The following PRR16 variants were observed in gnomAD, a reference collection of about 807,000 sequenced individuals.
PRR16 encodes the protein proline rich 16.
Under a neutral mutation model 18.2 loss-of-function variants are expected in PRR16, and 6 were observed. That is an observed-to-expected ratio of 0.33 (90% CI 0.18 to 0.65). The LOEUF is 0.65. Among genes scored for constraint, PRR16 ranks in the 30% least tolerant of loss-of-function variants. The probability of loss-of-function intolerance (pLI) is 0.74; values close to 1 mark genes in which losing one functional copy is unlikely to be tolerated. For missense variants in PRR16, 412 were observed against 376.6 expected (o/e 1.09, Z -0.78); for synonymous variants, 151 against 147.8 (o/e 1.02, Z -0.16).
intron 1 of PRR16, among the ~76,000 whole-genome samples, chr5:120,659,882 G>C (rs1459350206): frequency 6.6e-6 from 1 of 152,000 alleles, no homozygotes; most frequent in Non-Finnish European, 1.5e-5. Context: ...AGATGTTATA[G>C]CTGAAACACC....
chr5:120,737,656 G>A, the PRR16 span, among the ~76,000 whole-genome samples: 3 of 149,492 alleles, frequency 2.0e-5, no homozygotes, highest in East Asian at 5.9e-4. Context: ...TTTTTTTTTG[G>A]AAGAGTTTGA....
chr5:120,531,393 C>T (rs933601331), intron 1 of PRR16: 1 of 152,082 alleles, frequency 6.6e-6, no homozygotes, highest in Admixed American at 6.6e-5. Context: ...TGGCTTCTTC[C>T]ACACCCTGCA....
At chr5:120,603,610 G>T (rs1268916413) in intron 1 of PRR16, among the ~76,000 whole-genome samples, 1 of 151,458 alleles carries the variant, frequency 6.6e-6, no homozygotes, top group African/African-American at 2.4e-5. Flanking sequence ...CTTTTGGGTT[G>T]GTTTGCTCTT....
rs137947564 is a variant in PRR16 at position 120,501,406 on chromosome 5, A to G, written c.159+36761A>G. Among the ~76,000 whole-genome samples the G allele has an allele frequency of 1.0e-4, 15 of 143,956 alleles. No individual in the cohort carries two copies. In the East Asian group the frequency reaches 2.7e-3, roughly 26 times the overall value. 94.4% of individuals were successfully genotyped at this position (143,956 alleles called of 152,430 possible). A position where few individuals can be genotyped will look rare whatever the true frequency, so the allele number is the denominator to read the frequency against. On this transcript the variant is annotated intron_variant, in intron 1 of 1. Coordinates refer to ENST00000407149, the MANE Select transcript of PRR16 (RefSeq NM_001300783.2). ...AAGAAACAAAATGTGACTTGGAGATATTAAACACACACACATACACACACA... is the reference window on the plus strand; with the variant it reads ...AAGAAACAAAATGTGACTTGGAGATGTTAAACACACACACATACACACACA...
At chr5:120,567,881 C>G (rs1485712930) in intron 1 of PRR16, among the ~76,000 whole-genome samples, 2 of 152,102 alleles carry the variant, frequency 1.3e-5, no homozygotes, top group Non-Finnish European at 2.9e-5. Context: ...AGTGTGAGAA[C>G]AGACTAATAC....
chr5:120,727,989 T>A, the PRR16 span, among the ~76,000 whole-genome samples: 7 of 152,102 alleles, frequency 4.6e-5, no homozygotes, highest in African/African-American at 1.4e-4. Context: ...CTATAGAATA[T>A]CTATTCAACA....
the PRR16 span, among the ~76,000 whole-genome samples, chr5:120,776,402 G>T: frequency 6.6e-6 from 1 of 151,962 alleles, no homozygotes; most frequent in Non-Finnish European, 1.5e-5. Flanking sequence ...TTCTATAACT[G>T]GATTAGAGAA....
At chr5:120,599,659 T>C (rs1395982182) in intron 1 of PRR16, among the ~76,000 whole-genome samples, 2 of 151,908 alleles carry the variant, frequency 1.3e-5, no homozygotes, top group Non-Finnish European at 2.9e-5. Context: ...TTTCTTAACA[T>C]GTATTATCGT....
chr5:120,537,767 A>ATTT (rs1561536403), intron 1 of PRR16, among the ~76,000 whole-genome samples: 1 of 57,268 alleles, frequency 1.7e-5, no homozygotes, highest in African/African-American at 5.4e-5. Flanking sequence ...GGAATTTTTA[A>ATTT]TGTTTTTTTT....
chr5:120,508,178 G>C (rs1750707153), intron 1 of PRR16, among the ~76,000 whole-genome samples: 1 of 151,852 alleles, frequency 6.6e-6, no homozygotes, highest in Admixed American at 6.6e-5. Flanking sequence ...CCCCTTCCTG[G>C]AATAAAAATA....
At chr5:120,667,422 T>G (rs1345084433) in intron 1 of PRR16, among the ~76,000 whole-genome samples, 2 of 152,194 alleles carry the variant, frequency 1.3e-5, no homozygotes, top group African/African-American at 4.8e-5. Context: ...GATTCATTAA[T>G]TTTTTGAAGC....
intron 1 of PRR16, among the ~76,000 whole-genome samples, chr5:120,572,439 C>T (rs536287435): frequency 3.7e-4 from 56 of 152,214 alleles, no homozygotes; most frequent in African/African-American, 1.3e-3. Flanking sequence ...GGAGGAACTA[C>T]TGTTTATTGG....
intron 1 of PRR16, among the ~76,000 whole-genome samples, chr5:120,494,363 A>T (rs2112832833): frequency 6.6e-6 from 1 of 151,954 alleles, no homozygotes; most frequent in East Asian, 1.9e-4. Context: ...TTTTGTAGTG[A>T]TGGGGTCTTG....
chr5:120,781,880 C>A, the PRR16 span, among the ~76,000 whole-genome samples: 1 of 151,894 alleles, frequency 6.6e-6, no homozygotes, highest in African/African-American at 2.4e-5. Context: ...ATAGACCTTA[C>A]AAATTATGTC....
chr5:120,614,602 C>T (rs934581696), intron 1 of PRR16, among the ~76,000 whole-genome samples: 8 of 152,268 alleles, frequency 5.3e-5, no homozygotes, highest in African/African-American at 1.9e-4. Context: ...TTGTCTGAGA[C>T]TGTGTCTAAT....
intron 1 of PRR16, among the ~76,000 whole-genome samples, chr5:120,568,422 G>T (rs1017804586): frequency 6.6e-6 from 1 of 152,112 alleles, no homozygotes; most frequent in Non-Finnish European, 1.5e-5. Context: ...AGGGATATGA[G>T]ATATTTATGG....
At chr5:120,634,824 C>T (rs889308864) in intron 1 of PRR16, among the ~76,000 whole-genome samples, 6 of 151,752 alleles carry the variant, frequency 4.0e-5, no homozygotes, top group African/African-American at 7.3e-5. Context: ...ATCAATGAAA[C>T]AAAAAGTTAG....
chr5:120,783,625 T>A, the PRR16 span, among the ~76,000 whole-genome samples: 3 of 152,166 alleles, frequency 2.0e-5, no homozygotes, highest in African/African-American at 4.8e-5. Flanking sequence ...AAGGGGTATG[T>A]GAAATATTTT....
chr5:120,731,392 A>G, the PRR16 span, among the ~76,000 whole-genome samples: 1 of 152,150 alleles, frequency 6.6e-6, no homozygotes, highest in African/African-American at 2.4e-5. Flanking sequence ...CTGTTGTCAC[A>G]GTGGTGTGCT....
Sources: gnomAD v4.1 joint callset for allele counts (sites outside exome capture counted in the v4.1 genomes callset) on GRCh38, gnomAD v4.1.1 for gene constraint, MANE v1.5 for transcripts, NCBI Gene and HGNC (gene_info 2026-07-23, HGNC 2026-07-21) for gene names.